The following CD8B variants were observed in gnomAD, a reference collection of about 807,000 sequenced individuals.
CD8B encodes the protein CD8 subunit beta, also known as T-cell surface glycoprotein CD8 beta chain.
Under a neutral mutation model 24.2 loss-of-function variants are expected in CD8B, and 6 were observed. The observed-to-expected ratio is 0.25, with a 90% CI of 0.14 to 0.49. CD8B has a LOEUF of 0.49. Ranked by LOEUF, CD8B falls within the 20% of genes least tolerant of loss-of-function variation. The pLI is 0.98. For missense variants in CD8B, 196 were observed against 271.3 expected, an observed-to-expected ratio of 0.72 and a Z score of 1.95; for synonymous variants, 84 against 108.3, an observed-to-expected ratio of 0.78 and a Z score of 1.39.
At chr2:86,819,780 G>A (rs1361578933) in intron 5 of CD8B, among the ~76,000 whole-genome samples, 3 of 152,142 alleles carry the variant, frequency 2.0e-5, no homozygotes, top group Non-Finnish European at 4.4e-5. Context: ...AATACATTTC[G>A]TAAGGCTAGA....
intron 5 of CD8B, among the ~76,000 whole-genome samples, chr2:86,825,779 G>A (rs1674656710): frequency 6.6e-6 from 1 of 152,150 alleles, no homozygotes; most frequent in Non-Finnish European, 1.5e-5. Context: ...TCTAAGGGGG[G>A]CATGGGAGCC....
At chr2:86,824,369 G>A (rs763346827) in intron 5 of CD8B, among the ~76,000 whole-genome samples, 1 of 152,136 alleles carries the variant, frequency 6.6e-6, no homozygotes. Context: ...GTGCAGGGCT[G>A]GGTGGCTGTG....
intron 5 of CD8B, among the ~76,000 whole-genome samples, chr2:86,820,895 A>G (rs893882088): frequency 2.0e-5 from 3 of 152,244 alleles, no homozygotes; most frequent in African/African-American, 7.2e-5. Flanking sequence ...TATTTTATTA[A>G]TGCTCATGTG....
intron 3 of CD8B, among the ~76,000 whole-genome samples, chr2:86,848,703 T>TATTTATTTATTTATTTATTTA (rs1675813681): frequency 1.5e-5 from 1 of 65,826 alleles, no homozygotes; most frequent in Admixed American, 1.5e-4. Flanking sequence ...ATTTTTAAAT[T>TATTTATTTATTTATTTATTTA]ATTTATTTAT....
At chr2:86,849,106 C>A (rs1448397088) in intron 3 of CD8B, among the ~76,000 whole-genome samples, 1 of 152,272 alleles carries the variant, frequency 6.6e-6, no homozygotes, top group Non-Finnish European at 1.5e-5. Flanking sequence ...GGTCACCCAG[C>A]TACTAAAAGG....
At chr2:86,818,439 G>T (rs887586710) in intron 5 of CD8B, among the ~76,000 whole-genome samples, 2 of 152,136 alleles carry the variant, frequency 1.3e-5, no homozygotes, top group Non-Finnish European at 2.9e-5. Context: ...TTTTTCAATA[G>T]CATGTGTTGA....
chr2:86,858,903 A>G (rs1676428130), intron 1 of CD8B, among the ~76,000 whole-genome samples: 1 of 152,092 alleles, frequency 6.6e-6, no homozygotes, highest in Non-Finnish European at 1.5e-5. Context: ...GTACCACCAC[A>G]AAAGGATAGA....
At chr2:86,846,228 A>G (rs1675667003) in intron 4 of CD8B, among the ~76,000 whole-genome samples, 1 of 152,160 alleles carries the variant, frequency 6.6e-6, no homozygotes, top group South Asian at 2.1e-4. Flanking sequence ...GGTGTCGTGG[A>G]GAGGATTTCT....
rs200113349 is a variant in CD8B at position 86,842,265 on chromosome 2, C to A, written c.*42G>T. The stretch of plus-strand genomic sequence containing the variant: ...TTTCCACATCGTGCTCGTTACTGAC[C>A]GATGTCTTTTTGTAGCAGGACACCA... On this transcript the variant is annotated 3_prime_UTR_variant, in exon 6 of 6. Coordinates refer to ENST00000390655, the MANE Select transcript of CD8B (RefSeq NM_004931.5). 21 of 1,572,366 alleles carry A rather than the reference C, an allele frequency of 1.3e-5. No homozygotes were observed. In the East Asian group the frequency reaches 3.6e-4, roughly 27 times the overall value.
Position 86,839,857 on chromosome 2 carries a change from C to G in CD8B, c.*2450G>C, listed in dbSNP as rs1368500718. 6.6e-6 allele frequency among the ~76,000 whole-genome samples: 1 copy of G among 152,190 alleles called. No homozygotes were observed. ...GACCATGTGCACTGCAGGCCTTAAT[C>G]TCTTATTTGTTTGTGATGGGCCGGG... On this transcript the variant is annotated 3_prime_UTR_variant, in exon 6 of 6. Coordinates refer to ENST00000390655, the MANE Select transcript of CD8B (RefSeq NM_004931.5).
At chr2:86,825,135 G>C (rs1674625988) in intron 5 of CD8B, among the ~76,000 whole-genome samples, 1 of 152,202 alleles carries the variant, frequency 6.6e-6, no homozygotes, top group African/African-American at 2.4e-5. Flanking sequence ...GGTGATGGGT[G>C]CATCTGCCTT....
intron 5 of CD8B, among the ~76,000 whole-genome samples, chr2:86,824,180 CCAATGCTT>C (rs5832696): frequency 0.15 from 22,692 of 151,812 alleles, 2,139 homozygotes; most frequent in Admixed American, 0.21. Flanking sequence ...GGAACAAGTG[CCAATGCTT>C]CATGCAGGGC....
At chr2:86,833,986 C>T (rs910196073), downstream of CD8B, among the ~76,000 whole-genome samples, 12 of 152,072 alleles carry the variant, frequency 7.9e-5, no homozygotes, top group Admixed American at 1.3e-4. Flanking sequence ...GATGGCTACA[C>T]GATATTTTTG....
chr2:86,848,250 AC>A (rs1385921746), intron 3 of CD8B, among the ~76,000 whole-genome samples: 1 of 152,196 alleles, frequency 6.6e-6, no homozygotes, highest in Non-Finnish European at 1.5e-5. Context: ...CCAATAGTGC[AC>A]CTTGCTGACC....
intron 1 of CD8B, among the ~76,000 whole-genome samples, chr2:86,859,749 T>C (rs1676472730): frequency 6.7e-6 from 1 of 148,930 alleles, no homozygotes; most frequent in Admixed American, 6.7e-5. Context: ...GATGCAGGAG[T>C]TGGGAGGCAC....
At chr2:86,844,203 A>C (rs992486665) in intron 5 of CD8B, among the ~76,000 whole-genome samples, 3 of 151,760 alleles carry the variant, frequency 2.0e-5, no homozygotes, top group Non-Finnish European at 4.4e-5. Flanking sequence ...TAAAGGTCCC[A>C]GCCCAGCCCA....
At position 86,841,249 on chromosome 2, in the gene CD8B, CAT is replaced by C. The variant is rs779373446; in HGVS notation, c.*1056_*1057del. Among the ~76,000 whole-genome samples, 2 of 147,784 alleles carry C rather than the reference CAT, an allele frequency of 1.4e-5. No individual in the cohort carries two copies. The highest frequency in any genetic ancestry group is 3.0e-5 in the Non-Finnish European group (2 of 67,148). ...AAGAATCAATAAGAAAATGAAGAGA[CAT>C]GTGACAGAACCCCTCATGCCTCCTA... On this transcript the variant is annotated 3_prime_UTR_variant, in exon 6 of 6. Transcript: ENST00000390655.
At chr2:86,828,699 G>GA (rs1437419014) in intron 5 of CD8B, among the ~76,000 whole-genome samples, 2 of 152,182 alleles carry the variant, frequency 1.3e-5, no homozygotes, top group East Asian at 1.9e-4. Flanking sequence ...CCTTTTTAAG[G>GA]AAAAATCTAA....
downstream of CD8B, among the ~76,000 whole-genome samples, chr2:86,833,174 A>C (rs1674987026): frequency 6.6e-6 from 1 of 150,670 alleles, no homozygotes; most frequent in South Asian, 2.1e-4. Flanking sequence ...ACACTCTGGC[A>C]GTGTTGCCAA....
Sources: allele counts gnomAD v4.1 joint callset (sites outside exome capture counted in the v4.1 genomes callset), GRCh38; gene constraint gnomAD v4.1.1; transcripts MANE v1.5; gene names NCBI Gene and HGNC (gene_info 2026-07-23, HGNC 2026-07-21).